The following PARD6B variants were observed in gnomAD, a reference collection of about 807,000 sequenced individuals.
PARD6B encodes par-6 family cell polarity regulator beta, also known as partitioning defective 6 homolog beta.
PARD6B carries 4 observed loss-of-function variants against 10.5 expected under a neutral mutation model. That is an observed-to-expected ratio of 0.38 (90% CI 0.19 to 0.87). The LOEUF is 0.87. PARD6B is among the 40% of genes least tolerant of loss of function. The probability of loss-of-function intolerance (pLI) is 0.41; values close to 1 mark genes in which losing one functional copy is unlikely to be tolerated. For missense variants in PARD6B, 396 were observed against 470.6 expected (o/e 0.84, Z 1.47); for synonymous variants, 169 against 170.4 (o/e 0.99, Z 0.07).
rs1300297386 is a variant in PARD6B at position 50,749,761 on chromosome 20, T to C, written c.392T>C (p.Ile131Thr). 1 of 1,614,188 alleles carries C rather than the reference T, an allele frequency of 6.2e-7. No individual in the cohort carries two copies. Among genetic ancestry groups the C allele is most frequent in the Non-Finnish European group, 8.5e-7 (1 of 1,180,022 alleles). ...RPDNHRKKPHIVISMPQDFRP... is the reference protein window; with the variant it reads ...RPDNHRKKPHTVISMPQDFRP... ...GACAACCATAGAAAAAAGCCACATATAGTCATTAGTATGCCCCAAGACTTT... is the reference window on the plus strand; with the variant it reads ...GACAACCATAGAAAAAAGCCACATACAGTCATTAGTATGCCCCAAGACTTT... Residue 131 changes from isoleucine (I) to threonine (T), a missense_variant, in exon 3 of 3, where the codon ATA (isoleucine) becomes ACA (threonine). Transcript: ENST00000371610.
At chr20:50,743,692 TC>T (rs1196404676) in intron 2 of PARD6B, among the ~76,000 whole-genome samples, 1 of 151,976 alleles carries the variant, frequency 6.6e-6, no homozygotes, top group African/African-American at 2.4e-5. Context: ...ATCGAGACCA[TC>T]CTGGCTAGCA....
At chr20:50,745,809 A>C (rs1246798919) in intron 2 of PARD6B, among the ~76,000 whole-genome samples, 1 of 152,204 alleles carries the variant, frequency 6.6e-6, no homozygotes, top group African/African-American at 2.4e-5. Context: ...GCCTGGCCAC[A>C]TAATATTTTA....
rs1569000413 is a variant in PARD6B at position 50,753,073 on chromosome 20, CT to C, written c.*2586del. 1.0e-6 allele frequency: 1 copy of C among 963,160 alleles called. No individual in the cohort carries two copies. Among genetic ancestry groups the C allele is most frequent in the African/African-American group, 1.8e-5 (1 of 54,392 alleles). 59.7% of individuals were successfully genotyped at this position (963,160 alleles called of 1,614,324 possible). A position where few individuals can be genotyped will look rare whatever the true frequency, so the allele number is the denominator to read the frequency against. On this transcript the variant is annotated 3_prime_UTR_variant, in exon 3 of 3. Transcript: ENST00000371610. ...AAAAATATTTTTACACACTACCTCT[CT>C]CTTTTTTTTTTTAAAGTTTTAACAT...
intron 2 of PARD6B, among the ~76,000 whole-genome samples, chr20:50,747,213 G>C (rs554158602): frequency 6.6e-6 from 1 of 152,150 alleles, no homozygotes; most frequent in African/African-American, 2.4e-5. Flanking sequence ...TACTAGCCTC[G>C]TAAGAAAACC....
At position 50,751,750 on chromosome 20, in the gene PARD6B, T is replaced by G. The variant is rs1600821640; in HGVS notation, c.*1262T>G. 1 of 911,528 alleles carries G rather than the reference T, an allele frequency of 1.1e-6. No homozygotes were observed. Among genetic ancestry groups the G allele is most frequent in the Non-Finnish European group, 1.3e-6 (1 of 785,330 alleles). The allele number at this position is 911,528 out of a possible 1,614,324, so 56.5% of individuals were successfully genotyped here. A position where few individuals can be genotyped will look rare whatever the true frequency, so the allele number is the denominator to read the frequency against. On this transcript the variant is annotated 3_prime_UTR_variant, in exon 3 of 3. Coordinates refer to ENST00000371610, the MANE Select transcript of PARD6B (RefSeq NM_032521.3). ...TTTTTTTTTTTTTTTTGAGACAGAG[T>G]CTCTGTCACCCAGGCTGGAGTGCAG...
At position 50,750,000 on chromosome 20, in the gene PARD6B, G is replaced by A; in HGVS notation, c.631G>A (p.Val211Ile). Residue 211 changes from valine to isoleucine, a missense_variant, in exon 3 of 3, where the codon GTT (valine) becomes ATT (isoleucine). By Grantham distance (29) the Val-to-Ile change is conservative. This residue lies in a region of PARD6B where 208 missense variants were observed against 300.9 expected (regional missense o/e 0.69). Transcript: ENST00000371610. ...GGCTCAAAGTACAGGACTATTAGCT[G>A]TTAATGATGAAGTTTTAGAAGTTAA... ...GLAQSTGLLA[V>I]NDEVLEVNGI... 6.2e-7 allele frequency: 1 copy of A among 1,614,210 alleles called. No individual in the cohort carries two copies. Among genetic ancestry groups the A allele is most frequent in the Non-Finnish European group, 8.5e-7 (1 of 1,180,044 alleles).
At chr20:50,735,014 A>T (rs2087492092) in intron 1 of PARD6B, among the ~76,000 whole-genome samples, 1 of 152,102 alleles carries the variant, frequency 6.6e-6, no homozygotes, top group African/African-American at 2.4e-5. Context: ...GTGGGGCGTG[A>T]TGGCATATGC....
chr20:50,744,190 C>T (rs565963428), intron 2 of PARD6B, among the ~76,000 whole-genome samples: 3 of 147,616 alleles, frequency 2.0e-5, no homozygotes, highest in Non-Finnish European at 4.5e-5. Flanking sequence ...TCTCGTCTCA[C>T]GGCAACCTCC....
At chr20:50,739,733 C>T (rs1026415710) in intron 2 of PARD6B, among the ~76,000 whole-genome samples, 5 of 151,802 alleles carry the variant, frequency 3.3e-5, no homozygotes, top group African/African-American at 7.3e-5. Flanking sequence ...AACAGGAATG[C>T]GATATAATGA....
rs75754015 is a variant in PARD6B at position 50,734,049 on chromosome 20, T to A, written c.66+2197T>A. Reference sequence around the variant, plus strand: ...AGCTAACTGTGTCTTTTAAATAGAATCATACACTGATTCTAGGAACATGTG... The same window carrying A: ...AGCTAACTGTGTCTTTTAAATAGAAACATACACTGATTCTAGGAACATGTG... On this transcript the variant is annotated intron_variant, in intron 1 of 2. Coordinates refer to ENST00000371610, the MANE Select transcript of PARD6B (RefSeq NM_032521.3). 3.1e-3 allele frequency among the ~76,000 whole-genome samples: 469 copies of A among 152,332 alleles called. 2 individuals are homozygous for A. Among genetic ancestry groups the A allele is most frequent in the Non-Finnish European group, 5.6e-3 (383 of 68,026 alleles).
rs150776987 is a variant in PARD6B at position 50,749,859 on chromosome 20, G to A, written c.490G>A (p.Gly164Ser). ...TCGTAGGGTACGTCTTTACAAATAC[G>A]GCACGGAGAAACCCCTAGGATTCTA... is the stretch of plus-strand genomic sequence containing the variant. Reference protein sequence around the residue: ...THRRVRLYKYGTEKPLGFYIR... With the variant: ...THRRVRLYKYSTEKPLGFYIR... Residue 164 changes from glycine to serine, a missense_variant, in exon 3 of 3, where the codon GGC becomes AGC. This residue lies in a region of PARD6B where 208 missense variants were observed against 300.9 expected (regional missense o/e 0.69). Transcript: ENST00000371610. 19 of 1,613,910 alleles carry A rather than the reference G, an allele frequency of 1.2e-5. No individual in the cohort carries two copies. The highest frequency in any genetic ancestry group is 6.7e-5 in the East Asian group (3 of 44,900).
chr20:50,750,444 G>T lies in PARD6B; in HGVS notation c.1075G>T (p.Asp359Tyr). The change falls in exon 3 of 3, where the codon GAT (aspartate) becomes TAT (tyrosine). Residue 359 changes from aspartate to tyrosine, a missense_variant. Asp to Tyr is a radical substitution (Grantham distance 160). Coordinates refer to ENST00000371610, the MANE Select transcript of PARD6B (RefSeq NM_032521.3). ...SNTEFETHAP[D>Y]QKLLEEDGTI... ...CACGGAATTTGAAACACATGCTCCAGATCAAAAACTCTTAGAAGAAGATGG... is the reference window on the plus strand; with the variant it reads ...CACGGAATTTGAAACACATGCTCCATATCAAAAACTCTTAGAAGAAGATGG... 6.2e-7 allele frequency: 1 copy of T among 1,613,904 alleles called. No homozygotes were observed.
At chr20:50,733,231 C>G (rs1396043108) in intron 1 of PARD6B, among the ~76,000 whole-genome samples, 2 of 152,152 alleles carry the variant, frequency 1.3e-5, no homozygotes, top group Non-Finnish European at 2.9e-5. Flanking sequence ...ACCAGCCTGG[C>G]CAACATGATG....
chr20:50,744,280 A>G (rs543079083), intron 2 of PARD6B, among the ~76,000 whole-genome samples: 2 of 151,202 alleles, frequency 1.3e-5, no homozygotes, highest in South Asian at 4.2e-4. Flanking sequence ...ATGCCTGGCT[A>G]ATTGTGTATT....
At chr20:50,743,760 G>A (rs1025880325) in intron 2 of PARD6B, among the ~76,000 whole-genome samples, 2 of 151,820 alleles carry the variant, frequency 1.3e-5, no homozygotes, top group African/African-American at 2.4e-5. Flanking sequence ...TTGGTGGTGG[G>A]CGCCTGTAGT....
rs1568999790 is a variant in PARD6B, at chr20:50,751,563, G to T, written c.*1075G>T. 1.1e-6 allele frequency: 1 copy of T among 918,992 alleles called. No individual in the cohort carries two copies. The highest frequency in any genetic ancestry group is 1.3e-6 in the Non-Finnish European group (1 of 770,178). 56.9% of individuals were successfully genotyped at this position (918,992 alleles called of 1,614,324 possible). On this transcript the variant is annotated 3_prime_UTR_variant, in exon 3 of 3. Transcript: ENST00000371610. ...GGGTTTCGCAGTGTTAGCCAGGAAG[G>T]TCTCAATCTCCTGACCTCCTGATCC...
intron 2 of PARD6B, among the ~76,000 whole-genome samples, chr20:50,747,489 CTT>C (rs58629233): frequency 1.3e-3 from 44 of 33,350 alleles, no homozygotes; most frequent in African/African-American, 3.9e-3. Flanking sequence ...TTCTTTCTTT[CTT>C]TTTTTTTTTT....
rs544614821 is a variant in PARD6B, at chr20:50,749,321, C to G, written c.290-338C>G. Among the ~76,000 whole-genome samples the G allele has an allele frequency of 1.5e-4, 21 of 143,454 alleles. No homozygotes were observed. The East Asian group carries it at 4.3e-3, about 30-fold the overall frequency. 94.1% of individuals were successfully genotyped at this position (143,454 alleles called of 152,430 possible). On this transcript the variant is annotated intron_variant, in intron 2 of 2. Transcript: ENST00000371610. ...TCACGCCACTGCACTCCAGCCTGGT[C>G]GACAGAGCGAGACTCCATCTCAAAA...
rs767606667 is a variant in PARD6B at position 50,749,723 on chromosome 20, C to T, written c.354C>T (p.Asn118=). The part of the protein sequence containing the change: ...TLIKKKNVLT[N]VLRPDNHRKK... ...TAAAGAAGAAGAATGTTTTAACCAA[C>T]GTATTGCGTCCTGACAACCATAGAA... Residue 118 remains asparagine, a synonymous_variant, in exon 3 of 3, where the codon AAC becomes AAT. Coordinates refer to ENST00000371610, the MANE Select transcript of PARD6B (RefSeq NM_032521.3). 25 of 1,613,622 alleles carry T rather than the reference C, an allele frequency of 1.5e-5. No homozygotes were observed. Among genetic ancestry groups the T allele is most frequent in the Admixed American group, 5.0e-5 (3 of 59,878 alleles).
Sources: allele counts gnomAD v4.1 joint callset (sites outside exome capture counted in the v4.1 genomes callset), GRCh38; gene constraint gnomAD v4.1.1; regional missense constraint gnomAD v4.1.1; transcripts MANE v1.5; gene names NCBI Gene and HGNC (gene_info 2026-07-23, HGNC 2026-07-21).